LCMT1: variants seen among roughly 807,000 people sequenced by gnomAD.
The protein encoded by LCMT1 is [Phosphatase 2A protein]-leucine-carboxy methyltransferase 1.
Under a neutral mutation model 47.7 loss-of-function variants are expected in LCMT1, and 32 were observed. The observed-to-expected ratio is 0.67, with a 90% CI of 0.51 to 0.90. The LOEUF is 0.90. Ranked by LOEUF, LCMT1 falls within the 40% of genes least tolerant of loss-of-function variation. The probability of loss-of-function intolerance (pLI) is 0.00; values close to 1 mark genes in which losing one functional copy is unlikely to be tolerated. For synonymous variants in LCMT1, 152 were observed against 149.7 expected (o/e 1.02, Z -0.11); for missense variants, 375 against 415.2 (o/e 0.90, Z 0.84).
intron 1 of LCMT1, among the ~76,000 whole-genome samples, chr16:25,122,359 G>A (rs2141631951): frequency 6.6e-6 from 1 of 152,252 alleles, no homozygotes; most frequent in Admixed American, 6.5e-5. Context: ...AGGCTGGAGA[G>A]CAGTGGCACA....
At chr16:25,162,588 C>CA (rs542231545) in intron 6 of LCMT1, among the ~76,000 whole-genome samples, 1,511 of 78,400 alleles carry the variant, frequency 0.019, 26 homozygotes, top group African/African-American at 0.055. Context: ...GACTCCATCT[C>CA]AAAAAAAAAA....
chr16:25,167,323 T>C (rs914877123), intron 7 of LCMT1, among the ~76,000 whole-genome samples: 5 of 143,692 alleles, frequency 3.5e-5, no homozygotes, highest in Non-Finnish European at 7.7e-5. Context: ...TTTTTTGGTC[T>C]TTTTTTTTTT....
chr16:25,131,996 C>CAAAA (rs1960361063), intron 2 of LCMT1: 1 of 249,712 alleles, frequency 4.0e-6, no homozygotes, highest in South Asian at 4.5e-5. Context: ...TTCATCTGCT[C>CAAAA]AGTTTCCTGA....
chr16:25,153,651 A>T lies in LCMT1; in HGVS notation c.466+2036A>T, dbSNP rs1270188732. ...CCTAACACTGGGTATATTGTGATTT[A>T]AAAAATTTTCTACCAGTCTGGCCAG... On this transcript the variant is annotated intron_variant, in intron 5 of 10. Coordinates refer to ENST00000399069, the MANE Select transcript of LCMT1 (RefSeq NM_016309.3). 2.0e-5 allele frequency among the ~76,000 whole-genome samples: 3 copies of T among 152,348 alleles called. No individual in the cohort carries two copies. In the East Asian group the frequency reaches 5.8e-4, roughly 29 times the overall value.
chr16:25,130,958 A>G (rs1960334564), intron 2 of LCMT1, among the ~76,000 whole-genome samples: 1 of 152,236 alleles, frequency 6.6e-6, no homozygotes, highest in African/African-American at 2.4e-5. Context: ...CTGGCTTAGC[A>G]GTGTAAAGCC....
At chr16:25,112,862 T>C (rs1037170511) in intron 1 of LCMT1, among the ~76,000 whole-genome samples, 91 of 151,648 alleles carry the variant, frequency 6.0e-4, no homozygotes, top group Admixed American at 4.6e-3. Flanking sequence ...GTGAGAAGAG[T>C]TTGGGCGCGG....
intron 2 of LCMT1, among the ~76,000 whole-genome samples, chr16:25,129,878 G>A (rs1437254851): frequency 1.3e-5 from 2 of 152,148 alleles, no homozygotes; most frequent in Admixed American, 6.5e-5. Flanking sequence ...GCCCAGTTGC[G>A]CAGCTTGAGG....
At chr16:25,148,655 G>A (rs191811647) in intron 4 of LCMT1, 5 of 152,436 alleles carry the variant, frequency 3.3e-5, no homozygotes, top group African/African-American at 9.6e-5. Context: ...GGAAAACATT[G>A]TCTGGGGCAG....
Position 25,178,077 on chromosome 16 carries a change from G to A in LCMT1, c.*54G>A, listed in dbSNP as rs767181601. On this transcript the variant is annotated 3_prime_UTR_variant, in exon 11 of 11. Transcript: ENST00000399069. ...GCCGAAGCCACTTGCCCTCCTGGAG[G>A]AGACCTGCAAGCTCCCTGAGCGGTG... is the stretch of plus-strand genomic sequence containing the variant. The A allele has an allele frequency of 3.1e-6, 5 of 1,590,628 alleles. No individual in the cohort carries two copies. The African/African-American group carries it at 4.0e-5, about 13-fold the overall frequency.
In LCMT1 at chr16:25,166,594, G is replaced by A. The variant is rs1961598818; in HGVS notation, c.690+1876G>A. 2.0e-5 allele frequency among the ~76,000 whole-genome samples: 3 copies of A among 151,918 alleles called. No individual in the cohort carries two copies. The South Asian group carries it at 6.3e-4, about 32-fold the overall frequency. Reference sequence around the variant, plus strand: ...TTTTAAATTTTTTTTGTAGGGACAGGGTTTCGCCATGTTGCCCAGGTTGGT... The same window carrying A: ...TTTTAAATTTTTTTTGTAGGGACAGAGTTTCGCCATGTTGCCCAGGTTGGT... On this transcript the variant is annotated intron_variant, in intron 7 of 10. Coordinates refer to ENST00000399069, the MANE Select transcript of LCMT1 (RefSeq NM_016309.3).
intron 1 of LCMT1, among the ~76,000 whole-genome samples, chr16:25,117,862 A>G (rs1959847788): frequency 6.6e-6 from 1 of 152,054 alleles, no homozygotes; most frequent in Non-Finnish European, 1.5e-5. Context: ...AAAAAAAAAA[A>G]AAAAAATTTG....
intron 6 of LCMT1, 46 bp downstream of exon 6, chr16:25,161,250 C>T (rs1961424928): frequency 9.4e-7 from 1 of 1,066,236 alleles, no homozygotes; most frequent in African/African-American, 1.6e-5. Context: ...TGATTTTATG[C>T]TAATTATGAG....
chr16:25,167,429 C>T (rs1961619995), intron 7 of LCMT1, among the ~76,000 whole-genome samples: 2 of 151,332 alleles, frequency 1.3e-5, no homozygotes, highest in Admixed American at 6.6e-5. Context: ...GTGATCCTCC[C>T]ACCTTAGTCT....
chr16:25,132,582 C>T, intron 3 of LCMT1, 59 bp downstream of exon 3: 1 of 1,566,282 alleles, frequency 6.4e-7, no homozygotes, highest in Admixed American at 1.7e-5. Flanking sequence ...GTTAGATTTT[C>T]ACCTAATTCG....
intron 8 of LCMT1, 105 bp from the exon 9 acceptor site, chr16:25,170,609 A>G: frequency 1.1e-6 from 1 of 892,980 alleles, no homozygotes; most frequent in Non-Finnish European, 1.8e-6. Context: ...CAGCCTGGGC[A>G]ACAGAATGAG....
Position 25,178,132 on chromosome 16 carries a change from C to G in LCMT1, c.*109C>G. On this transcript the variant is annotated 3_prime_UTR_variant, in exon 11 of 11. Coordinates refer to ENST00000399069, the MANE Select transcript of LCMT1 (RefSeq NM_016309.3). Reference sequence around the variant, plus strand: ...GGCCTCGTCCGCAGGTCTCATCCCACACTCTTGAGAAGCCTTGGTCACTAC... The same window carrying G: ...GGCCTCGTCCGCAGGTCTCATCCCAGACTCTTGAGAAGCCTTGGTCACTAC... The G allele has an allele frequency of 1.0e-6, 1 of 961,284 alleles. No homozygotes were observed. Among genetic ancestry groups the G allele is most frequent in the East Asian group, 2.4e-5 (1 of 41,112 alleles). 59.5% of individuals were successfully genotyped at this position (961,284 alleles called of 1,614,324 possible).
intron 1 of LCMT1, among the ~76,000 whole-genome samples, 187 bp from the exon 2 acceptor site, chr16:25,128,288 A>G (rs1250792525): frequency 1.3e-5 from 2 of 152,232 alleles, no homozygotes; most frequent in Admixed American, 6.5e-5. Context: ...TGTAACGTGA[A>G]CATAAAGATG....
chr16:25,172,132 C>T (rs1961793533), intron 9 of LCMT1, among the ~76,000 whole-genome samples: 1 of 151,892 alleles, frequency 6.6e-6, no homozygotes, highest in African/African-American at 2.4e-5. Flanking sequence ...ATGGTGAAAC[C>T]CTGTCTCTAC....
chr16:25,126,395 T>C (rs370804211), intron 1 of LCMT1, among the ~76,000 whole-genome samples: 7 of 152,422 alleles, frequency 4.6e-5, no homozygotes, highest in African/African-American at 1.7e-4. Context: ...CCCGAGTCTT[T>C]CTGCCTGCCC....
Sources: gnomAD v4.1 joint callset for allele counts (sites outside exome capture counted in the v4.1 genomes callset) on GRCh38, gnomAD v4.1.1 for gene constraint, MANE v1.5 for transcripts, NCBI Gene and HGNC (gene_info 2026-07-23, HGNC 2026-07-21) for gene names.